AMMECR1: variants seen among roughly 807,000 people sequenced by gnomAD.
AMMECR1 encodes nuclear protein AMMECR1.
AMMECR1 carries 3 observed loss-of-function variants against 22.5 expected under a neutral mutation model. The ratio of observed to expected loss-of-function variants is 0.13; its 90% CI spans 0.06 to 0.35. The LOEUF is 0.35. AMMECR1 is among the 10% of genes least tolerant of loss of function. The probability of loss-of-function intolerance (pLI) is 1.00; values close to 1 mark genes in which losing one functional copy is unlikely to be tolerated. For missense variants in AMMECR1, 235 were observed against 278.7 expected (o/e 0.84, Z 1.12); for synonymous variants, 130 against 116.7 (o/e 1.11, Z -0.74).
At chrX:110,428,736 G>A (rs1307282030) in intron 1 of AMMECR1, among the ~76,000 whole-genome samples, 1 of 111,357 alleles carries the variant, frequency 9.0e-6, no homozygotes, top group Non-Finnish European at 1.9e-5. Context: ...TCCCAAGAGT[G>A]GTCTGCCTTC....
chrX:110,355,519 T>C (rs142450850), intron 2 of AMMECR1, among the ~76,000 whole-genome samples: 1 of 112,000 alleles, frequency 8.9e-6, no homozygotes, highest in East Asian at 2.8e-4. Context: ...ATCAGGGAAA[T>C]GCAAAGTAAA....
At chrX:110,345,577 C>A (rs958919109) in intron 2 of AMMECR1, among the ~76,000 whole-genome samples, 7 of 109,472 alleles carry the variant, frequency 6.4e-5, no homozygotes, top group African/African-American at 2.3e-4. Flanking sequence ...ACAGACACTG[C>A]AGAGGGAGGG....
At chrX:110,217,951 A>G (rs2067482291) in intron 2 of AMMECR1, among the ~76,000 whole-genome samples, 1 of 111,415 alleles carries the variant, frequency 9.0e-6, no homozygotes, top group Non-Finnish European at 1.9e-5. Context: ...GAGATGTTAT[A>G]TATGTATAAA....
At chrX:110,241,942 G>T (rs1330562596) in intron 2 of AMMECR1, among the ~76,000 whole-genome samples, 1 of 111,681 alleles carries the variant, frequency 9.0e-6, no homozygotes, top group Non-Finnish European at 1.9e-5. Flanking sequence ...ATTCCTGGAG[G>T]TTGTTACTCC....
intron 2 of AMMECR1, among the ~76,000 whole-genome samples, chrX:110,343,178 A>C (rs956480252): frequency 1.3e-4 from 15 of 111,759 alleles, no homozygotes; most frequent in Non-Finnish European, 2.6e-4. Context: ...GGATGCAAGG[A>C]TGGTTCAACA....
At chrX:110,237,516 C>T (rs1422704714) in intron 2 of AMMECR1, among the ~76,000 whole-genome samples, 1 of 111,152 alleles carries the variant, frequency 9.0e-6, no homozygotes, top group Non-Finnish European at 1.9e-5. Context: ...ACAACTTACC[C>T]GACTGATGGG....
intron 2 of AMMECR1, among the ~76,000 whole-genome samples, chrX:110,336,753 T>A (rs572197474): frequency 9.0e-6 from 1 of 110,543 alleles, no homozygotes; most frequent in Admixed American, 9.7e-5. Flanking sequence ...ATTGCTTTGA[T>A]GAAATTAATG....
chrX:110,339,973 T>TACACACACACACACACAC (rs35459612), intron 2 of AMMECR1, among the ~76,000 whole-genome samples: 1 of 78,800 alleles, frequency 1.3e-5, no homozygotes, highest in African/African-American at 5.0e-5. Flanking sequence ...AGGCAAAACA[T>TACACACACACACACACAC]ACACACACAC....
chrX:110,279,299 T>C (rs2067840852), intron 1 of AMMECR1, among the ~76,000 whole-genome samples: 1 of 112,626 alleles, frequency 8.9e-6, no homozygotes, highest in Non-Finnish European at 1.9e-5. Context: ...TGAAACAGAA[T>C]AATGGAAAAA....
At position 110,259,637 on chromosome X, in the gene AMMECR1, G is replaced by T. The variant is rs192181776; in HGVS notation, c.584+4852C>A. On this transcript the variant is annotated intron_variant, in intron 2 of 5. Transcript: ENST00000262844. The stretch of plus-strand genomic sequence containing the variant: ...GATGGAGTCTCGCTCTGTCACCCAG[G>T]CTGGAGTGCAGTGGCGCAATCTTGG... Among the ~76,000 whole-genome samples the T allele has an allele frequency of 1.9e-3, 198 of 106,106 alleles. 1 individual carries two copies. The highest frequency in any genetic ancestry group is 3.6e-3 in the Admixed American group (36 of 9,929). The allele number at this position is 106,106 out of a possible 115,157, so 92.1% of individuals were successfully genotyped here.
chrX:110,255,721 GT>G (rs1206669415), intron 2 of AMMECR1, among the ~76,000 whole-genome samples: 4 of 111,543 alleles, frequency 3.6e-5, no homozygotes, highest in African/African-American at 1.3e-4. Flanking sequence ...GGATACAAAA[GT>G]TAGCATTTCC....
At chrX:110,279,658 T>G (rs1373701544) in intron 1 of AMMECR1, among the ~76,000 whole-genome samples, 1 of 111,827 alleles carries the variant, frequency 8.9e-6, no homozygotes, top group Non-Finnish European at 1.9e-5. Context: ...AGCAGTACTT[T>G]AATAAATGAG....
chrX:110,320,270 C>T (rs2068074098), upstream of AMMECR1, among the ~76,000 whole-genome samples: 2 of 111,654 alleles, frequency 1.8e-5, no homozygotes, highest in African/African-American at 6.5e-5. Flanking sequence ...GTGTTTTGTA[C>T]GTTAGGGTGT....
At chrX:110,233,681 G>A (rs2067583083) in intron 2 of AMMECR1, among the ~76,000 whole-genome samples, 1 of 112,127 alleles carries the variant, frequency 8.9e-6, no homozygotes, top group East Asian at 2.8e-4. Flanking sequence ...TTCAACATAT[G>A]CAAATCAATA....
At chrX:110,363,085 T>C (rs1045634167) in intron 2 of AMMECR1, among the ~76,000 whole-genome samples, 2 of 111,941 alleles carry the variant, frequency 1.8e-5, no homozygotes, top group Non-Finnish European at 3.8e-5. Flanking sequence ...ATTTACCATA[T>C]GCCATGCAGC....
chrX:110,277,528 T>G (rs2067832303), intron 1 of AMMECR1, among the ~76,000 whole-genome samples: 1 of 111,076 alleles, frequency 9.0e-6, no homozygotes, highest in African/African-American at 3.3e-5. Flanking sequence ...GTAACAAACC[T>G]GCACGTTGTG....
chrX:110,222,959 T>C (rs1401274903), intron 2 of AMMECR1, among the ~76,000 whole-genome samples: 5 of 111,724 alleles, frequency 4.5e-5, no homozygotes, highest in African/African-American at 1.6e-4. Context: ...TCTTGCATTC[T>C]TAAAAGCCTC....
intron 2 of AMMECR1, among the ~76,000 whole-genome samples, chrX:110,334,967 C>G (rs187441781): frequency 9.0e-6 from 1 of 111,699 alleles, no homozygotes; most frequent in Non-Finnish European, 1.9e-5. Context: ...ATATAAGAGG[C>G]ACCATTGCAC....
chrX:110,366,047 A>G (rs1307828089), intron 2 of AMMECR1, among the ~76,000 whole-genome samples: 1 of 111,791 alleles, frequency 8.9e-6, no homozygotes, highest in Non-Finnish European at 1.9e-5. Flanking sequence ...CAGCTGCAGA[A>G]TAGAGAGATG....
Sources: gnomAD v4.1 joint callset for allele counts (sites outside exome capture counted in the v4.1 genomes callset) on GRCh38, gnomAD v4.1.1 for gene constraint, MANE v1.5 for transcripts, NCBI Gene and HGNC (gene_info 2026-07-23, HGNC 2026-07-21) for gene names.